PCDH9: variants seen among roughly 807,000 people sequenced by gnomAD.
PCDH9 encodes the protein protocadherin 9.
Under a neutral mutation model 70.6 loss-of-function variants are expected in PCDH9, and 24 were observed. That is an observed-to-expected ratio of 0.34 (90% confidence interval 0.25 to 0.48). The LOEUF is 0.48. PCDH9 is among the 20% of genes least tolerant of loss of function. PCDH9 has a pLI of 0.99. For synonymous variants in PCDH9, 562 were observed against 558.5 expected (o/e 1.01, Z -0.09); for missense variants, 1,281 against 1,503.6 (o/e 0.85, Z 2.45).
intron 4 of PCDH9, among the ~76,000 whole-genome samples, chr13:66,579,751 A>C (rs1436512239): frequency 1.3e-5 from 2 of 152,082 alleles, no homozygotes; most frequent in Non-Finnish European, 2.9e-5. Context: ...TAGGCTCTTA[A>C]ATATCTGAGG....
rs2083538962 is a variant in PCDH9, at chr13:66,972,339, AGAG to A, written c.3037-68737_3037-68735del. Among the ~76,000 whole-genome samples the A allele has an allele frequency of 2.0e-5, 3 of 152,112 alleles. No individual in the cohort carries two copies. In the South Asian group the frequency reaches 6.2e-4, roughly 32 times the overall value. On this transcript the variant is annotated intron_variant, in intron 2 of 4. Transcript: ENST00000377865. ...AATTACAGACACAAATAGTAGTAGAAGAGGAGGATGAGACAATTATCATAAAAC... is the reference window on the plus strand; with the variant it reads ...AATTACAGACACAAATAGTAGTAGAAGAGGATGAGACAATTATCATAAAAC...
chr13:66,348,956 G>A (rs961908945), intron 4 of PCDH9, among the ~76,000 whole-genome samples: 3 of 152,034 alleles, frequency 2.0e-5, no homozygotes, highest in African/African-American at 7.2e-5. Flanking sequence ...TAGGATTTAA[G>A]CTGTGTACAC....
At chr13:66,410,662 C>T (rs1957355166) in intron 4 of PCDH9, among the ~76,000 whole-genome samples, 1 of 152,114 alleles carries the variant, frequency 6.6e-6, no homozygotes, top group Non-Finnish European at 1.5e-5. Flanking sequence ...TGTAAGGATG[C>T]TATGAGGAAA....
intron 4 of PCDH9, among the ~76,000 whole-genome samples, chr13:66,417,974 A>G (rs139426055): frequency 0.013 from 1,980 of 152,152 alleles, 34 homozygotes; most frequent in African/African-American, 0.045. Flanking sequence ...CACTCTGATG[A>G]TAGTTTCTTT....
At position 66,575,537 on chromosome 13, in the gene PCDH9, C is replaced by A. The variant is rs74093363; in HGVS notation, c.3340+55673G>T. ...TGTAAGATCACCCCATGCCTACCAC[C>A]TTCCTCTTCAGTGAGTACGCTCCAA... On this transcript the variant is annotated intron_variant, in intron 4 of 4. Transcript: ENST00000377865. Among the ~76,000 whole-genome samples, 154 of 152,236 alleles carry A rather than the reference C, an allele frequency of 1.0e-3. 1 individual carries two copies. The highest frequency in any genetic ancestry group is 3.6e-3 in the African/African-American group (150 of 41,550).
intron 2 of PCDH9, among the ~76,000 whole-genome samples, chr13:67,087,255 TCCCTCAA>T (rs1204416072): frequency 6.6e-6 from 1 of 152,034 alleles, no homozygotes; most frequent in Non-Finnish European, 1.5e-5. Context: ...GCTTAACTGT[TCCCTCAA>T]GAAGACATGT....
chr13:66,644,788 C>A (rs1167559657), intron 3 of PCDH9, among the ~76,000 whole-genome samples: 1 of 151,960 alleles, frequency 6.6e-6, no homozygotes, highest in Non-Finnish European at 1.5e-5. Context: ...ACAGTATAGA[C>A]TTTAAAGTTT....
chr13:67,107,308 C>G (rs1236532033), intron 2 of PCDH9, among the ~76,000 whole-genome samples: 8 of 152,098 alleles, frequency 5.3e-5, no homozygotes, highest in African/African-American at 1.7e-4. Flanking sequence ...CCAGGTGGAG[C>G]AGGCAGCCCC....
intron 4 of PCDH9, among the ~76,000 whole-genome samples, chr13:66,345,146 G>A (rs1270325480): frequency 6.6e-6 from 1 of 152,080 alleles, no homozygotes; most frequent in Non-Finnish European, 1.5e-5. Flanking sequence ...ATAATTTAAG[G>A]GTCGAGCTAG....
intron 2 of PCDH9, among the ~76,000 whole-genome samples, chr13:66,930,936 C>T (rs915297487): frequency 6.6e-6 from 1 of 152,118 alleles, no homozygotes; most frequent in African/African-American, 2.4e-5. Context: ...AAACTGTCTA[C>T]CAGAAGCCTT....
At chr13:66,623,634 C>T (rs1409722794) in intron 4 of PCDH9, among the ~76,000 whole-genome samples, 1 of 152,102 alleles carries the variant, frequency 6.6e-6, no homozygotes, top group African/African-American at 2.4e-5. Context: ...CAGACACGGT[C>T]TTGTTATGTT....
intron 2 of PCDH9, chr13:66,914,816 T>C (rs1424887407): frequency 6.6e-6 from 1 of 151,808 alleles, no homozygotes; most frequent in East Asian, 1.9e-4. Flanking sequence ...CTCACAGATA[T>C]ATTCAGCAAC....
intron 2 of PCDH9, among the ~76,000 whole-genome samples, chr13:67,097,944 A>C (rs1456226631): frequency 1.3e-5 from 2 of 152,192 alleles, no homozygotes; most frequent in Non-Finnish European, 2.9e-5. Context: ...CTCATAAATA[A>C]AAAGTTATAA....
chr13:66,453,570 T>A (rs1186518640), intron 4 of PCDH9, among the ~76,000 whole-genome samples: 2 of 152,186 alleles, frequency 1.3e-5, no homozygotes, highest in Non-Finnish European at 2.9e-5. Context: ...TGTGCTAGCA[T>A]AAACACTCTT....
chr13:67,123,579 G>A (rs930661179), intron 2 of PCDH9, among the ~76,000 whole-genome samples: 1 of 152,026 alleles, frequency 6.6e-6, no homozygotes, highest in Non-Finnish European at 1.5e-5. Context: ...ATCATCATTG[G>A]TTAGTTTAAT....
intron 2 of PCDH9, among the ~76,000 whole-genome samples, chr13:67,084,839 C>T (rs533181026): frequency 8.0e-5 from 12 of 149,824 alleles, no homozygotes; most frequent in South Asian, 2.1e-4. Flanking sequence ...TGGTGGCGGG[C>T]GCCTGTAGTC....
At chr13:67,189,133 T>C (rs938479963) in intron 2 of PCDH9, among the ~76,000 whole-genome samples, 1 of 151,866 alleles carries the variant, frequency 6.6e-6, no homozygotes, top group African/African-American at 2.4e-5. Context: ...TTCATATATA[T>C]ATATGAAGGA....
chr13:66,939,564 G>A (rs199850240), intron 2 of PCDH9, among the ~76,000 whole-genome samples: 2 of 151,770 alleles, frequency 1.3e-5, no homozygotes, highest in East Asian at 3.9e-4. Context: ...AGTCTCCCGA[G>A]TAGCTGGGAT....
intron 4 of PCDH9, among the ~76,000 whole-genome samples, chr13:66,316,311 A>C (rs2138075401): frequency 6.6e-6 from 1 of 152,330 alleles, no homozygotes; most frequent in South Asian, 2.1e-4. Context: ...TCTGGGGACT[A>C]AGACATGGAT....
Sources: gnomAD v4.1 joint callset for allele counts (sites outside exome capture counted in the v4.1 genomes callset) on GRCh38, gnomAD v4.1.1 for gene constraint, MANE v1.5 for transcripts, NCBI Gene and HGNC (gene_info 2026-07-23, HGNC 2026-07-21) for gene names.